Variants in NLGN1 observed in about 807,000 individuals in gnomAD.
NLGN1 encodes neuroligin 1, also known as neuroligin-1.
Under a neutral mutation model 65.5 loss-of-function variants are expected in NLGN1, and 12 were observed. The ratio of observed to expected loss-of-function variants is 0.18; its 90% confidence interval spans 0.12 to 0.30. The LOEUF is 0.30. Ranked by LOEUF, NLGN1 falls within the 10% of genes least tolerant of loss-of-function variation. NLGN1 has a pLI of 1.00. For synonymous variants in NLGN1, 350 were observed against 359.5 expected, an observed-to-expected ratio of 0.97 and a Z score of 0.30; for missense variants, 750 against 1,007.1, an observed-to-expected ratio of 0.74 and a Z score of 3.46.
chr3:174,237,927 C>T (rs1472155344), intron 4 of NLGN1, among the ~76,000 whole-genome samples: 1 of 152,154 alleles, frequency 6.6e-6, no homozygotes, highest in East Asian at 1.9e-4. Flanking sequence ...CTATTGCCTC[C>T]AGATATTCCA....
At chr3:173,407,886 A>T (rs1179497803) in intron 1 of NLGN1, among the ~76,000 whole-genome samples, 2 of 152,216 alleles carry the variant, frequency 1.3e-5, no homozygotes, top group Non-Finnish European at 2.9e-5. Flanking sequence ...ATTTTGAATA[A>T]ATAGTCCTCA....
At chr3:173,608,653 C>CT in intron 3 of NLGN1, among the ~76,000 whole-genome samples, 1 of 151,788 alleles carries the variant, frequency 6.6e-6, no homozygotes, top group East Asian at 1.9e-4. Context: ...GGCCTTAATT[C>CT]TTTTTTACAT....
intron 4 of NLGN1, among the ~76,000 whole-genome samples, chr3:173,824,941 C>A (rs1425641752): frequency 1.3e-5 from 2 of 151,928 alleles, no homozygotes; most frequent in African/African-American, 4.8e-5. Flanking sequence ...CATGATTTTC[C>A]TAAAGCAGAT....
At chr3:173,547,271 G>T (rs1456220782) in intron 2 of NLGN1, among the ~76,000 whole-genome samples, 1 of 152,094 alleles carries the variant, frequency 6.6e-6, no homozygotes, top group Non-Finnish European at 1.5e-5. Context: ...CTACAGTCTT[G>T]TAAATCTTTC....
At chr3:173,454,114 T>C (rs1722108259) in intron 2 of NLGN1, among the ~76,000 whole-genome samples, 1 of 152,238 alleles carries the variant, frequency 6.6e-6, no homozygotes. Context: ...GCATTGTCAA[T>C]GAGCAGTAAT....
intron 4 of NLGN1, among the ~76,000 whole-genome samples, chr3:173,830,324 C>T (rs1364389689): frequency 2.0e-5 from 3 of 152,060 alleles, no homozygotes; most frequent in Non-Finnish European, 4.4e-5. Flanking sequence ...AGAAGATTGC[C>T]ATAGTTGAAT....
chr3:173,628,046 C>T (rs1166222499), intron 3 of NLGN1, among the ~76,000 whole-genome samples: 1 of 152,080 alleles, frequency 6.6e-6, no homozygotes, highest in Non-Finnish European at 1.5e-5. Flanking sequence ...TTGCTCTCTT[C>T]TTCTGTCACT....
chr3:173,803,842 A>G (rs1251237997), intron 3 of NLGN1, among the ~76,000 whole-genome samples: 2 of 152,138 alleles, frequency 1.3e-5, no homozygotes, highest in Non-Finnish European at 2.9e-5. Flanking sequence ...TATAATAGAG[A>G]AAGATTTAAT....
chr3:173,669,644 C>T (rs188005383), intron 3 of NLGN1, among the ~76,000 whole-genome samples: 1 of 152,198 alleles, frequency 6.6e-6, no homozygotes, highest in African/African-American at 2.4e-5. Context: ...TTCTGAAGTA[C>T]TGGGGATCAA....
intron 3 of NLGN1, among the ~76,000 whole-genome samples, chr3:173,784,904 G>A (rs1461234653): frequency 6.6e-6 from 1 of 152,128 alleles, no homozygotes; most frequent in African/African-American, 2.4e-5. Context: ...TACATACACA[G>A]ACATATACAC....
intron 4 of NLGN1, among the ~76,000 whole-genome samples, chr3:174,184,769 T>C (rs779553828): frequency 6.6e-6 from 1 of 152,156 alleles, no homozygotes; most frequent in Non-Finnish European, 1.5e-5. Context: ...GAAGCTAGTT[T>C]ATAAGCTATA....
chr3:173,420,656 C>T (rs672241), intron 1 of NLGN1, among the ~76,000 whole-genome samples: 2 of 152,042 alleles, frequency 1.3e-5, no homozygotes, highest in African/African-American at 2.4e-5. Context: ...ATTGCCACAC[C>T]GACTTCCACA....
At chr3:174,265,763 C>CTG (rs1747987027) in intron 4 of NLGN1, among the ~76,000 whole-genome samples, 1 of 125,668 alleles carries the variant, frequency 8.0e-6, no homozygotes, top group Admixed American at 7.8e-5. Flanking sequence ...ACTAAGAAGG[C>CTG]TATATATATA....
chr3:174,099,083 T>A (rs551738328), intron 4 of NLGN1, among the ~76,000 whole-genome samples: 1 of 152,234 alleles, frequency 6.6e-6, no homozygotes, highest in African/African-American at 2.4e-5. Flanking sequence ...TCTATTAAAA[T>A]CAAAACAGTC....
intron 2 of NLGN1, among the ~76,000 whole-genome samples, chr3:173,594,670 T>C (rs769036080): frequency 1.3e-5 from 2 of 152,228 alleles, no homozygotes; most frequent in Non-Finnish European, 2.9e-5. Context: ...TGATCCCACA[T>C]TTTGCTTCCA....
chr3:174,137,729 C>T (rs1169023368), intron 4 of NLGN1, among the ~76,000 whole-genome samples: 1 of 151,986 alleles, frequency 6.6e-6, no homozygotes, highest in Non-Finnish European at 1.5e-5. Flanking sequence ...TGGGAAAATA[C>T]CTATAGTTCT....
At chr3:174,284,396 ATG>A (rs1751890684) in exon 7 of NLGN1, 1 of 151,468 alleles carries the variant, frequency 6.6e-6, no homozygotes, top group African/African-American at 2.4e-5. Context: ...TATGTTTAAA[ATG>A]TATTTATTTA....
intron 2 of NLGN1, among the ~76,000 whole-genome samples, chr3:173,592,251 A>C (rs1364263576): frequency 3.3e-5 from 5 of 152,206 alleles, no homozygotes; most frequent in Non-Finnish European, 7.3e-5. Context: ...GTTAATGTTA[A>C]ATTTTTTTTC....
chr3:173,834,305 C>T (rs1723170344), intron 4 of NLGN1, among the ~76,000 whole-genome samples: 1 of 152,056 alleles, frequency 6.6e-6, no homozygotes, highest in Admixed American at 6.6e-5. Flanking sequence ...CTAAACTCTG[C>T]TCTTTATTAC....
Sources: gnomAD v4.1 joint callset for allele counts (sites outside exome capture counted in the v4.1 genomes callset) on GRCh38, gnomAD v4.1.1 for gene constraint, MANE v1.5 for transcripts, NCBI Gene and HGNC (gene_info 2026-07-23, HGNC 2026-07-21) for gene names.